PDE1C: variants seen among roughly 807,000 people sequenced by gnomAD.
PDE1C encodes dual specificity calcium/calmodulin-dependent 3',5'-cyclic nucleotide phosphodiesterase 1C.
In PDE1C, 62 loss-of-function variants were observed where a neutral mutation model predicts 93.1. That is an observed-to-expected ratio of 0.67 (90% confidence interval 0.54 to 0.82). The LOEUF (loss-of-function observed/expected upper bound fraction) is 0.82, where lower values mean the gene tolerates loss of function less well. PDE1C is among the 40% of genes least tolerant of loss of function. The pLI is 0.00. For missense variants in PDE1C, 742 were observed against 884.6 expected (o/e 0.84, Z 2.04); for synonymous variants, 325 against 310.1 (o/e 1.05, Z -0.50).
At chr7:31,692,591 T>C in the PDE1C span, 1 of 1,473,688 alleles carries the variant, frequency 6.8e-7, no homozygotes, top group Non-Finnish European at 9.5e-7. Flanking sequence ...GCCATTTGGT[T>C]TGCAGGCAAG....
chr7:32,300,098 C>CA (rs202174083), upstream of PDE1C, among the ~76,000 whole-genome samples: 1,852 of 151,590 alleles, frequency 0.012, 131 homozygotes, highest in Admixed American at 0.11. Context: ...AACCTTGTCC[C>CA]AAAAAAAACA....
intron 17 of PDE1C, among the ~76,000 whole-genome samples, chr7:31,755,698 G>A (rs998689436): frequency 2.0e-5 from 3 of 152,124 alleles, no homozygotes; most frequent in Admixed American, 1.3e-4. Flanking sequence ...AGGCAGTATT[G>A]CATTTTAACC....
At chr7:32,183,258 T>C (rs1276698962) in intron 2 of PDE1C, among the ~76,000 whole-genome samples, 4 of 152,086 alleles carry the variant, frequency 2.6e-5, no homozygotes, top group African/African-American at 4.8e-5. Flanking sequence ...GCCATCCCCA[T>C]AAAGCTACCA....
the PDE1C span, among the ~76,000 whole-genome samples, chr7:31,680,190 C>G: frequency 2.0e-5 from 3 of 152,310 alleles, no homozygotes; most frequent in Admixed American, 2.0e-4. Flanking sequence ...CCACATGGCT[C>G]CCTTGCTGTT....
chr7:31,702,207 ATT>A, the PDE1C span, among the ~76,000 whole-genome samples: 1 of 141,898 alleles, frequency 7.0e-6, no homozygotes, highest in Non-Finnish European at 1.5e-5. Flanking sequence ...ACCCTTATTT[ATT>A]TTTTTTTTTG....
At chr7:32,184,694 T>C (rs1803716861) in intron 2 of PDE1C, among the ~76,000 whole-genome samples, 3 of 152,174 alleles carry the variant, frequency 2.0e-5, no homozygotes, top group African/African-American at 4.8e-5. Context: ...ATATACCTAA[T>C]GTTAAATGAA....
intron 1 of PDE1C, among the ~76,000 whole-genome samples, chr7:32,235,530 A>G (rs551592958): frequency 1.2e-4 from 19 of 152,176 alleles, no homozygotes; most frequent in African/African-American, 4.6e-4. Context: ...ATTGGAAACT[A>G]AAATTTCAAA....
chr7:31,648,083 GATCT>G, the PDE1C span, among the ~76,000 whole-genome samples: 75 of 152,128 alleles, frequency 4.9e-4, no homozygotes, highest in South Asian at 4.1e-4. Flanking sequence ...AAGAAAATGA[GATCT>G]ATCAGAAATA....
chr7:32,152,239 G>A (rs933523715), intron 3 of PDE1C, among the ~76,000 whole-genome samples: 6 of 152,130 alleles, frequency 3.9e-5, no homozygotes, highest in Admixed American at 1.3e-4. Flanking sequence ...TTCACCCTCC[G>A]CTCTGCTGCT....
At chr7:31,788,776 A>G (rs1023910628) in intron 16 of PDE1C, 1 of 152,198 alleles carries the variant, frequency 6.6e-6, no homozygotes, top group Non-Finnish European at 1.5e-5. Flanking sequence ...CCAAGGCAAA[A>G]TGTAAAGCTG....
At chr7:32,208,034 ATC>A (rs377570088) in intron 2 of PDE1C, among the ~76,000 whole-genome samples, 148 of 152,346 alleles carry the variant, frequency 9.7e-4, no homozygotes, top group African/African-American at 3.4e-3. Context: ...GGGATGAAAT[ATC>A]TATTTTGCAA....
chr7:31,775,156 G>A (rs1209742898), intron 17 of PDE1C, among the ~76,000 whole-genome samples: 2 of 152,084 alleles, frequency 1.3e-5, no homozygotes, highest in Admixed American at 1.3e-4. Context: ...CATATTTCTC[G>A]ATAGTAGAGA....
intron 2 of PDE1C, among the ~76,000 whole-genome samples, chr7:32,049,691 G>C (rs1244105066): frequency 6.6e-6 from 1 of 152,066 alleles, no homozygotes; most frequent in East Asian, 1.9e-4. Context: ...TTGCATTAAT[G>C]ATTTTTTTAA....
At chr7:31,741,269 T>A in the PDE1C span, among the ~76,000 whole-genome samples, 1 of 152,186 alleles carries the variant, frequency 6.6e-6, no homozygotes, top group African/African-American at 2.4e-5. Flanking sequence ...CATAAGGTGA[T>A]GGTAACTAGA....
intron 1 of PDE1C, among the ~76,000 whole-genome samples, chr7:32,356,073 G>A (rs987474977): frequency 6.6e-6 from 1 of 152,202 alleles, no homozygotes; most frequent in Non-Finnish European, 1.5e-5. Context: ...GTAGACAATG[G>A]AGAAACCAAG....
the PDE1C span, among the ~76,000 whole-genome samples, chr7:31,638,601 C>A: frequency 6.6e-6 from 1 of 152,012 alleles, no homozygotes; most frequent in South Asian, 2.1e-4. Context: ...CATGATTTTT[C>A]CTTTCAATAC....
intron 1 of PDE1C, among the ~76,000 whole-genome samples, chr7:32,360,949 T>C (rs1246076363): frequency 6.6e-6 from 1 of 152,090 alleles, no homozygotes; most frequent in Non-Finnish European, 1.5e-5. Context: ...GTTGAAGAGC[T>C]TTATGGGTAC....
the PDE1C span, among the ~76,000 whole-genome samples, chr7:31,657,967 T>G: frequency 2.0e-5 from 3 of 152,362 alleles, no homozygotes; most frequent in South Asian, 6.2e-4. Flanking sequence ...TACCCTGTAT[T>G]AATTTCATTC....
the PDE1C span, among the ~76,000 whole-genome samples, chr7:31,638,435 A>G: frequency 6.6e-6 from 1 of 152,196 alleles, no homozygotes; most frequent in African/African-American, 2.4e-5. Flanking sequence ...TCTACAAACT[A>G]TCCGGTTTTA....
Sources: allele counts gnomAD v4.1 joint callset (sites outside exome capture counted in the v4.1 genomes callset), GRCh38; gene constraint gnomAD v4.1.1; transcripts MANE v1.5; gene names NCBI Gene and HGNC (gene_info 2026-07-23, HGNC 2026-07-21).